Variants in OPN3 observed in about 807,000 individuals in gnomAD.
The protein encoded by OPN3 is opsin 3.
Under a neutral mutation model 33.8 loss-of-function variants are expected in OPN3, and 29 were observed. The ratio of observed to expected loss-of-function variants is 0.86; its 90% CI spans 0.64 to 1.17. The LOEUF (loss-of-function observed/expected upper bound fraction) is 1.17. Ranked by LOEUF, OPN3 falls within the 50% of genes most tolerant of loss-of-function variation. The pLI is 0.00. For synonymous variants in OPN3, 216 were observed against 216.1 expected, an observed-to-expected ratio of 1.00 and a Z score of 0.00; for missense variants, 437 against 514.1, an observed-to-expected ratio of 0.85 and a Z score of 1.45.
rs1665075125 is a variant in OPN3 at position 241,640,269 on chromosome 1, GCGCCT to G, written c.-20_-16del. The stretch of plus-strand genomic sequence containing the variant: ...CCCGAGTACATGGCCCGGCGCCGGC[GCGCCT>G]GGCGGGCGGAGGCGCTCAGCTTGCG... On this transcript the variant is annotated 5_prime_UTR_variant, in exon 1 of 4. Coordinates refer to ENST00000366554, the MANE Select transcript of OPN3 (RefSeq NM_014322.3). 1 of 1,185,352 alleles carries G rather than the reference GCGCCT, an allele frequency of 8.4e-7. No individual in the cohort carries two copies. The highest frequency in any genetic ancestry group is 1.6e-5 in the African/African-American group (1 of 62,228). The allele number at this position is 1,185,352 out of a possible 1,614,324, so 73.4% of individuals were successfully genotyped here.
intron 1 of OPN3, among the ~76,000 whole-genome samples, chr1:241,608,586 A>G (rs890627775): frequency 6.6e-6 from 1 of 152,220 alleles, no homozygotes; most frequent in Non-Finnish European, 1.5e-5. Flanking sequence ...GCTGTCAGGA[A>G]AAGACCCATT....
chr1:241,635,122 A>G (rs758115644), intron 1 of OPN3: 147 of 1,612,662 alleles, frequency 9.1e-5, no homozygotes, highest in Middle Eastern at 1.6e-4. Flanking sequence ...AAGTAATCCT[A>G]TTTCTAATTG....
chr1:241,613,501 A>G (rs1280388207), intron 1 of OPN3, among the ~76,000 whole-genome samples: 1 of 152,196 alleles, frequency 6.6e-6, no homozygotes, highest in Non-Finnish European at 1.5e-5. Flanking sequence ...TCTCTATAGA[A>G]AGCATATTTA....
intron 1 of OPN3, chr1:241,634,029 G>A (rs1231618397): frequency 6.2e-7 from 1 of 1,613,508 alleles, no homozygotes; most frequent in Admixed American, 1.7e-5. Context: ...CCACAGTCAG[G>A]CCCAGAGCAG....
chr1:241,604,742 C>A (rs1261886285), intron 1 of OPN3, among the ~76,000 whole-genome samples, 163 bp from the exon 2 acceptor site: 1 of 152,120 alleles, frequency 6.6e-6, no homozygotes, highest in African/African-American at 2.4e-5. Context: ...GGAAATTATA[C>A]TGAAAATAGT....
intron 1 of OPN3, among the ~76,000 whole-genome samples, chr1:241,637,818 T>C (rs928411336): frequency 5.9e-5 from 9 of 152,186 alleles, no homozygotes; most frequent in South Asian, 2.1e-4. Flanking sequence ...GGATCCACTC[T>C]TGTGCCATCA....
At chr1:241,608,643 G>A (rs1663902150) in intron 1 of OPN3, among the ~76,000 whole-genome samples, 1 of 152,210 alleles carries the variant, frequency 6.6e-6, no homozygotes, top group African/African-American at 2.4e-5. Context: ...TGATAAGTCA[G>A]GGTGCAAGAG....
intron 1 of OPN3, among the ~76,000 whole-genome samples, chr1:241,605,480 A>G (rs570320603): frequency 1.3e-5 from 2 of 152,344 alleles, no homozygotes; most frequent in African/African-American, 2.4e-5. Context: ...GTCCGCTTTA[A>G]TGATACTGTT....
chr1:241,602,994 G>A (rs148608715), intron 2 of OPN3, among the ~76,000 whole-genome samples: 2 of 152,320 alleles, frequency 1.3e-5, no homozygotes, highest in African/African-American at 4.8e-5. Context: ...AAAATAAAGT[G>A]ATAGCTAGAG....
intron 2 of OPN3, 118 bp from the exon 3 acceptor site, chr1:241,598,115 G>T: frequency 1.7e-6 from 2 of 1,149,964 alleles, no homozygotes; most frequent in Non-Finnish European, 2.4e-6. Context: ...AAAGAGAACT[G>T]AATGGCACCT....
At chr1:241,620,782 C>G (rs764176614) in intron 1 of OPN3, among the ~76,000 whole-genome samples, 3 of 152,228 alleles carry the variant, frequency 2.0e-5, no homozygotes, top group Non-Finnish European at 4.4e-5. Flanking sequence ...ATATTTTACA[C>G]TTACATCTCA....
rs533240797 is a variant in OPN3 at position 241,599,029 on chromosome 1, T to G, written c.694-1032A>C. ...AGAGAAAGAATTTCCAAAGAAATCATTTAGAACATGTGCTTAGATTATTTA... is the reference window on the plus strand; with the variant it reads ...AGAGAAAGAATTTCCAAAGAAATCAGTTAGAACATGTGCTTAGATTATTTA... On this transcript the variant is annotated intron_variant, in intron 2 of 3. Transcript: ENST00000366554. Among the ~76,000 whole-genome samples the G allele has an allele frequency of 1.1e-4, 16 of 152,264 alleles. No individual in the cohort carries two copies. In the South Asian group the frequency reaches 1.2e-3, roughly 12 times the overall value.
At position 241,593,370 on chromosome 1, in the gene OPN3, G is replaced by C. The variant is rs1338425076; in HGVS notation, c.*1058C>G. 2.3e-6 allele frequency: 1 copy of C among 441,284 alleles called. No individual in the cohort carries two copies. Among genetic ancestry groups the C allele is most frequent in the Non-Finnish European group, 4.9e-6 (1 of 204,954 alleles). The allele number at this position is 441,284 out of a possible 1,614,324, so 27.3% of individuals were successfully genotyped here. A position where few individuals can be genotyped will look rare whatever the true frequency, so the allele number is the denominator to read the frequency against. Reference sequence around the variant, plus strand: ...GTTCATCCTTCTTTAACAGGCTGCTGAGTCACTCAGAAATCCTTCAAACAT... The same window carrying C: ...GTTCATCCTTCTTTAACAGGCTGCTCAGTCACTCAGAAATCCTTCAAACAT... On this transcript the variant is annotated 3_prime_UTR_variant, in exon 4 of 4. Coordinates refer to ENST00000366554, the MANE Select transcript of OPN3 (RefSeq NM_014322.3).
intron 1 of OPN3, among the ~76,000 whole-genome samples, chr1:241,614,891 A>T (rs1259167105): frequency 6.6e-6 from 1 of 151,010 alleles, no homozygotes; most frequent in African/African-American, 2.4e-5. Context: ...ACAAAGCTTT[A>T]GGCGTTTGTT....
Position 241,604,170 on chromosome 1 carries a change from A to G in OPN3, c.693+90T>C, listed in dbSNP as rs191324563. On this transcript the variant is annotated intron_variant, in intron 2 of 3. Coordinates refer to ENST00000366554, the MANE Select transcript of OPN3 (RefSeq NM_014322.3). The stretch of plus-strand genomic sequence containing the variant: ...CTGCTCTACCTCTGGGCAACTACTG[A>G]TGACATAGGAAGACTTTCATTATTT... The G allele has an allele frequency of 3.2e-5, 39 of 1,210,398 alleles. No homozygotes were observed. The African/African-American group carries it at 4.8e-4, about 15-fold the overall frequency. 75.0% of individuals were successfully genotyped at this position (1,210,398 alleles called of 1,614,324 possible).
intron 1 of OPN3, among the ~76,000 whole-genome samples, chr1:241,639,002 T>C (rs573081857): frequency 3.5e-4 from 54 of 152,320 alleles, no homozygotes; most frequent in African/African-American, 1.1e-3. Context: ...CACAAAAAAA[T>C]AATTTCCTTT....
chr1:241,640,291 C>G lies in OPN3; in HGVS notation c.-37G>C, dbSNP rs1166927118. 2 of 1,143,898 alleles carry G rather than the reference C, an allele frequency of 1.7e-6. No individual in the cohort carries two copies. The highest frequency in any genetic ancestry group is 2.1e-6 in the Non-Finnish European group (2 of 934,694). The allele number at this position is 1,143,898 out of a possible 1,614,324, so 70.9% of individuals were successfully genotyped here. A position where few individuals can be genotyped will look rare whatever the true frequency, so the allele number is the denominator to read the frequency against. On this transcript the variant is annotated 5_prime_UTR_variant, in exon 1 of 4. An upstream open reading frame in the 5' UTR loses its in-frame stop. Coordinates refer to ENST00000366554, the MANE Select transcript of OPN3 (RefSeq NM_014322.3). ...GGCGCGCCTGGCGGGCGGAGGCGCTCAGCTTGCGGCGGGGCTCGCGGCGCG... is the reference window on the plus strand; with the variant it reads ...GGCGCGCCTGGCGGGCGGAGGCGCTGAGCTTGCGGCGGGGCTCGCGGCGCG...
chr1:241,620,925 A>G (rs565774720), intron 1 of OPN3, among the ~76,000 whole-genome samples: 1 of 152,272 alleles, frequency 6.6e-6, no homozygotes, highest in East Asian at 1.9e-4. Context: ...ACTCTGAAGC[A>G]TTGTTTATTA....
intron 1 of OPN3, among the ~76,000 whole-genome samples, chr1:241,612,914 C>A (rs1664034827): frequency 1.3e-5 from 2 of 152,124 alleles, no homozygotes; most frequent in African/African-American, 4.8e-5. Flanking sequence ...CAGATCTCCT[C>A]AGGGAGATGA....
Sources: allele counts gnomAD v4.1 joint callset (sites outside exome capture counted in the v4.1 genomes callset), GRCh38; gene constraint gnomAD v4.1.1; transcripts MANE v1.5; gene names NCBI Gene and HGNC (gene_info 2026-07-23, HGNC 2026-07-21).